Variants in PPP4R3B observed in about 807,000 individuals in gnomAD.
The protein encoded by PPP4R3B is serine/threonine-protein phosphatase 4 regulatory subunit 3B.
PPP4R3B carries 52 observed loss-of-function variants against 95.4 expected under a neutral mutation model. The ratio of observed to expected loss-of-function variants is 0.54; its 90% CI spans 0.44 to 0.69. The LOEUF is 0.69. Among genes scored for constraint, PPP4R3B ranks in the 30% least tolerant of loss-of-function variants. PPP4R3B has a pLI of 0.00. For synonymous variants in PPP4R3B, 407 were observed against 343.9 expected (o/e 1.18, Z -2.03); for missense variants, 1,003 against 1,005.9 (o/e 1.00, Z 0.04).
chr2:55,589,025 A>G lies in PPP4R3B; in HGVS notation c.922-69T>C. ...AAAGTTATACTCATTTATATGACTT[A>G]CACAAATTATAAAAAATAGTTGACA... On this transcript the variant is annotated intron_variant, in intron 4 of 16. Coordinates refer to ENST00000616407, the MANE Select transcript of PPP4R3B (RefSeq NM_001122964.3). 3.2e-6 allele frequency: 3 copies of G among 932,336 alleles called. No individual in the cohort carries two copies. In the Admixed American group the frequency reaches 7.1e-5, roughly 22 times the overall value. The allele number at this position is 932,336 out of a possible 1,614,324, so 57.8% of individuals were successfully genotyped here.
In PPP4R3B at chr2:55,609,997, AT is replaced by A. The variant is rs944956840; in HGVS notation, c.198+5453del. Among the ~76,000 whole-genome samples, 12 of 152,172 alleles carry A rather than the reference AT, an allele frequency of 7.9e-5. No homozygotes were observed. The East Asian group carries it at 2.1e-3, about 27-fold the overall frequency. On this transcript the variant is annotated intron_variant, in intron 2 of 16. Coordinates refer to ENST00000616407, the MANE Select transcript of PPP4R3B (RefSeq NM_001122964.3). ...GCTAATATATTACACACTAAAAAAA[AT>A]TTTTTTTAATAAGCCTCAAACCAAA...
chr2:55,551,401 C>CA (rs1255737090), intron 16 of PPP4R3B, among the ~76,000 whole-genome samples: 4 of 151,766 alleles, frequency 2.6e-5, no homozygotes, highest in African/African-American at 9.7e-5. Context: ...ACCTCTGCCT[C>CA]AGTTTGTCTG....
intron 7 of PPP4R3B, among the ~76,000 whole-genome samples, chr2:55,582,667 C>A (rs1398965564): frequency 6.6e-6 from 1 of 152,126 alleles, no homozygotes; most frequent in African/African-American, 2.4e-5. Flanking sequence ...CTGGTAAGAT[C>A]AAGAAAACAT....
rs192022253 is a variant in PPP4R3B, at chr2:55,615,151, G to C, written c.198+300C>G. 327 of 241,830 alleles carry C rather than the reference G, an allele frequency of 1.4e-3. 1 individual carries two copies. The highest frequency in any genetic ancestry group is 6.0e-4 in the Non-Finnish European group (75 of 124,838). The allele number at this position is 241,830 out of a possible 1,614,324, so 15.0% of individuals were successfully genotyped here. ...GTTCTATGTCATTTCCTTTAAACGT[G>C]ACTCAGAATAAAAGGTTTCATGTAC... On this transcript the variant is annotated intron_variant, in intron 2 of 16. Transcript: ENST00000616407.
chr2:55,597,575 T>C (rs547535055), intron 4 of PPP4R3B, among the ~76,000 whole-genome samples: 59 of 152,050 alleles, frequency 3.9e-4, no homozygotes, highest in Admixed American at 2.8e-3. Flanking sequence ...TGAGCCAAGA[T>C]TGCGCCACTG....
chr2:55,559,282 G>A (rs928507028), intron 15 of PPP4R3B, among the ~76,000 whole-genome samples: 6 of 152,030 alleles, frequency 3.9e-5, no homozygotes, highest in African/African-American at 1.2e-4. Flanking sequence ...GGAGGCAGAG[G>A]TTGTGGTGAG....
rs529344217 is a variant in PPP4R3B, at chr2:55,581,819, T to TAAGCTATTATTTATTAGGAATA, written c.1234-122_1234-121insTATTCCTAATAAATAATAGCTT. 99 of 1,058,802 alleles carry TAAGCTATTATTTATTAGGAATA rather than the reference T, an allele frequency of 9.4e-5. No homozygotes were observed. In the East Asian group the frequency reaches 2.5e-3, roughly 27 times the overall value. 65.6% of individuals were successfully genotyped at this position (1,058,802 alleles called of 1,614,324 possible). On this transcript the variant is annotated intron_variant, in intron 7 of 16. Coordinates refer to ENST00000616407, the MANE Select transcript of PPP4R3B (RefSeq NM_001122964.3). ...TATAGAGAAAAAACGAAGAATGGAA[T>TAAGCTATTATTTATTAGGAATA]AGCTTATTTAAACCTCTATTCCTAA...
chr2:55,594,302 TAAA>T (rs35730010), intron 4 of PPP4R3B, among the ~76,000 whole-genome samples: 55 of 123,524 alleles, frequency 4.5e-4, no homozygotes, highest in African/African-American at 1.5e-3. Context: ...GAATCTAAAA[TAAA>T]AAAAAAAAAA....
intron 4 of PPP4R3B, among the ~76,000 whole-genome samples, chr2:55,592,296 C>G (rs1691139918): frequency 6.6e-6 from 1 of 152,110 alleles, no homozygotes; most frequent in South Asian, 2.1e-4. Flanking sequence ...GATTTAGAAT[C>G]CAGGCCTCCC....
chr2:55,587,067 T>C (rs1202880083), intron 5 of PPP4R3B, among the ~76,000 whole-genome samples: 1 of 152,208 alleles, frequency 6.6e-6, no homozygotes, highest in African/African-American at 2.4e-5. Flanking sequence ...AAGTGAACCT[T>C]TGAAATATGT....
In PPP4R3B at chr2:55,548,994, A is replaced by G; in HGVS notation, c.*917T>C. 1 of 152,602 alleles carries G rather than the reference A, an allele frequency of 6.6e-6. No homozygotes were observed. Among genetic ancestry groups the G allele is most frequent in the East Asian group, 1.9e-4 (1 of 5,194 alleles). 9.5% of individuals were successfully genotyped at this position (152,602 alleles called of 1,614,324 possible). On this transcript the variant is annotated 3_prime_UTR_variant, in exon 17 of 17. Coordinates refer to ENST00000616407, the MANE Select transcript of PPP4R3B (RefSeq NM_001122964.3). ...GATCAAAATGGCTTCTAGATACTAA[A>G]TGCCACTTAATTCAGCACTATTCTT...
intron 15 of PPP4R3B, among the ~76,000 whole-genome samples, chr2:55,563,547 GT>G (rs1003559534): frequency 1.3e-5 from 2 of 151,962 alleles, no homozygotes; most frequent in Non-Finnish European, 2.9e-5. Flanking sequence ...TAATTTTTGT[GT>G]TTTTTTGTAG....
intron 1 of PPP4R3B, among the ~76,000 whole-genome samples, chr2:55,615,907 C>G (rs1256469265): frequency 2.2e-5 from 2 of 89,178 alleles, no homozygotes; most frequent in Non-Finnish European, 3.9e-5. Flanking sequence ...CCGCCCCCCG[C>G]CCCCGCAAAC....
chr2:55,601,689 C>G (rs537949828), intron 3 of PPP4R3B, among the ~76,000 whole-genome samples: 41 of 152,254 alleles, frequency 2.7e-4, no homozygotes, highest in Non-Finnish European at 4.4e-4. Context: ...CCCAGACCAA[C>G]TGTTAATGAC....
rs1015044357 is a variant in PPP4R3B at position 55,584,432 on chromosome 2, T to G, written c.1233+619A>C. Among the ~76,000 whole-genome samples the G allele has an allele frequency of 1.3e-4, 20 of 152,310 alleles. No homozygotes were observed. The East Asian group carries it at 3.9e-3, about 29-fold the overall frequency. On this transcript the variant is annotated intron_variant, in intron 7 of 16. Coordinates refer to ENST00000616407, the MANE Select transcript of PPP4R3B (RefSeq NM_001122964.3). ...TCTTTGCTGGTGATTTGTGAGATTT[T>G]GGGGCACCCATCACCCAAGCAGTAT...
intron 11 of PPP4R3B, 109 bp downstream of exon 11, chr2:55,577,206 G>C (rs1193976524): frequency 1.9e-5 from 25 of 1,339,762 alleles, no homozygotes; most frequent in Non-Finnish European, 2.4e-5. Flanking sequence ...CTTGGATTTT[G>C]TTTTTATGCC....
At chr2:55,571,814 C>T (rs1399176806) in intron 12 of PPP4R3B, among the ~76,000 whole-genome samples, 1 of 152,102 alleles carries the variant, frequency 6.6e-6, no homozygotes, top group Non-Finnish European at 1.5e-5. Flanking sequence ...TTAGTAGAGA[C>T]AGTTATATTG....
chr2:55,589,829 T>A (rs1340835578), intron 4 of PPP4R3B, among the ~76,000 whole-genome samples: 1 of 148,474 alleles, frequency 6.7e-6, no homozygotes, highest in African/African-American at 2.5e-5. Flanking sequence ...GGCAGGAGAA[T>A]GGCGTGAACC....
chr2:55,549,817 G>T lies in PPP4R3B; in HGVS notation c.*94C>A. 1 of 934,908 alleles carries T rather than the reference G, an allele frequency of 1.1e-6. No individual in the cohort carries two copies. Among genetic ancestry groups the T allele is most frequent in the Non-Finnish European group, 1.7e-6 (1 of 573,656 alleles). The allele number at this position is 934,908 out of a possible 1,614,324, so 57.9% of individuals were successfully genotyped here. A position where few individuals can be genotyped will look rare whatever the true frequency, so the allele number is the denominator to read the frequency against. On this transcript the variant is annotated 3_prime_UTR_variant, in exon 17 of 17. Coordinates refer to ENST00000616407, the MANE Select transcript of PPP4R3B (RefSeq NM_001122964.3). ...TTGCTACTCCTTGTATATTTTATAA[G>T]TTCAATTGAGAAAGCTTTCTGATTC...
Sources: gnomAD v4.1 joint callset for allele counts (sites outside exome capture counted in the v4.1 genomes callset) on GRCh38, gnomAD v4.1.1 for gene constraint, MANE v1.5 for transcripts, NCBI Gene and HGNC (gene_info 2026-07-23, HGNC 2026-07-21) for gene names.